UVRAG: variants seen among roughly 807,000 people sequenced by gnomAD.
UVRAG encodes the protein UV radiation resistance-associated gene protein.
In UVRAG, 19 loss-of-function variants were observed where a neutral mutation model predicts 78.0. The observed-to-expected ratio is 0.24, with a 90% CI of 0.17 to 0.36. The LOEUF (loss-of-function observed/expected upper bound fraction) is 0.36. Among genes scored for constraint, UVRAG ranks in the 10% least tolerant of loss-of-function variants. The pLI is 1.00. For synonymous variants in UVRAG, 323 were observed against 324.6 expected (o/e 1.00, Z 0.05); for missense variants, 740 against 853.8 (o/e 0.87, Z 1.66).
chr11:76,052,512 C>T (rs751034355), intron 12 of UVRAG, among the ~76,000 whole-genome samples: 8 of 152,182 alleles, frequency 5.3e-5, no homozygotes, highest in Non-Finnish European at 8.8e-5. Context: ...TCATACCAGT[C>T]GGCCTTCATC....
At chr11:76,138,430 A>G (rs754417970) in intron 14 of UVRAG, among the ~76,000 whole-genome samples, 1 of 152,168 alleles carries the variant, frequency 6.6e-6, no homozygotes, top group African/African-American at 2.4e-5. Flanking sequence ...TTCACATTGT[A>G]GTTGGCAAGG....
intron 1 of UVRAG, among the ~76,000 whole-genome samples, chr11:75,831,373 A>G (rs1233985768): frequency 2.6e-5 from 4 of 152,150 alleles, no homozygotes; most frequent in African/African-American, 9.7e-5. Flanking sequence ...CTGTAATCCC[A>G]GCTACTTGGG....
chr11:76,066,830 A>G (rs1951197708), intron 13 of UVRAG, among the ~76,000 whole-genome samples: 1 of 152,160 alleles, frequency 6.6e-6, no homozygotes, highest in South Asian at 2.1e-4. Flanking sequence ...CATCCTTCCA[A>G]CTGGAATATC....
chr11:75,880,136 AAG>A, intron 4 of UVRAG, 96 bp downstream of exon 4: 2 of 1,433,408 alleles, frequency 1.4e-6, no homozygotes, highest in Non-Finnish European at 1.9e-6. Context: ...TCCTATTATA[AAG>A]AGAGACTTTT....
chr11:75,914,771 G>A (rs1369417306), intron 6 of UVRAG, among the ~76,000 whole-genome samples: 5 of 152,068 alleles, frequency 3.3e-5, no homozygotes, highest in African/African-American at 1.2e-4. Context: ...TGGGATTACA[G>A]GCGTGAGCCA....
Position 76,011,285 on chromosome 11 carries a change from G to A in UVRAG, c.1060+2418G>A, listed in dbSNP as rs188708902. Among the ~76,000 whole-genome samples the A allele has an allele frequency of 5.5e-3, 840 of 152,192 alleles. 6 individuals are homozygous for A. Among genetic ancestry groups the A allele is most frequent in the Middle Eastern group, 0.014 (4 of 294 alleles). On this transcript the variant is annotated intron_variant, in intron 11 of 14. Transcript: ENST00000356136. ...CATTCCCATTCCCCATTACCCTTAG[G>A]AATCAGAAATTTTAAGAAGCACATG...
intron 1 of UVRAG, among the ~76,000 whole-genome samples, chr11:75,844,014 C>T (rs1412992876): frequency 6.6e-6 from 1 of 151,052 alleles, no homozygotes; most frequent in Non-Finnish European, 1.5e-5. Context: ...CTTTCGTTAG[C>T]CCTAATTGGA....
chr11:75,831,879 A>G (rs1441707581), intron 1 of UVRAG, among the ~76,000 whole-genome samples: 6 of 152,226 alleles, frequency 3.9e-5, no homozygotes, highest in African/African-American at 1.2e-4. Context: ...GACACTTTCC[A>G]TTAGCCTATA....
intron 6 of UVRAG, among the ~76,000 whole-genome samples, chr11:75,959,439 A>G (rs1030897803): frequency 1.3e-5 from 2 of 152,222 alleles, no homozygotes; most frequent in Non-Finnish European, 2.9e-5. Flanking sequence ...CTTAAACCTC[A>G]TAAACCAATC....
intron 5 of UVRAG, among the ~76,000 whole-genome samples, chr11:75,892,851 A>G (rs1947245490): frequency 6.6e-6 from 1 of 152,202 alleles, no homozygotes; most frequent in Non-Finnish European, 1.5e-5. Context: ...GCACCAAGCA[A>G]GAAGCAAGGA....
chr11:76,132,209 A>G (rs556734423), intron 14 of UVRAG, among the ~76,000 whole-genome samples: 56 of 152,332 alleles, frequency 3.7e-4, no homozygotes, highest in African/African-American at 1.3e-3. Flanking sequence ...CCGTAAACCA[A>G]CTTAAACACC....
intron 13 of UVRAG, among the ~76,000 whole-genome samples, chr11:76,107,907 G>A (rs58586190): frequency 0.024 from 3,719 of 151,900 alleles, 149 homozygotes; most frequent in African/African-American, 0.083. Context: ...GCCTACATAA[G>A]GCAAATCTCT....
chr11:75,843,957 T>TA (rs557175299), intron 1 of UVRAG, among the ~76,000 whole-genome samples: 9,101 of 114,932 alleles, frequency 0.079, 1,023 homozygotes, highest in African/African-American at 0.26. Flanking sequence ...AGACGCCATC[T>TA]AAAAAAAAAA....
chr11:75,947,636 C>A (rs190168745), intron 6 of UVRAG, among the ~76,000 whole-genome samples: 52 of 152,230 alleles, frequency 3.4e-4, no homozygotes, highest in African/African-American at 1.2e-3. Flanking sequence ...TAAGGTGTTA[C>A]TGATGCCAAG....
At chr11:76,126,861 G>A (rs2134489933) in intron 14 of UVRAG, among the ~76,000 whole-genome samples, 2 of 152,282 alleles carry the variant, frequency 1.3e-5, no homozygotes. Flanking sequence ...CAGTTGGACT[G>A]CACACAAATA....
At chr11:75,939,281 G>A (rs1046825899) in intron 6 of UVRAG, among the ~76,000 whole-genome samples, 1 of 152,040 alleles carries the variant, frequency 6.6e-6, no homozygotes, top group African/African-American at 2.4e-5. Flanking sequence ...TGCTACCTCT[G>A]TATCATTTTC....
chr11:75,885,295 A>G (rs1947051450), intron 4 of UVRAG, among the ~76,000 whole-genome samples: 2 of 152,048 alleles, frequency 1.3e-5, no homozygotes, highest in Non-Finnish European at 2.9e-5. Flanking sequence ...CTTGCGTGTT[A>G]TGGAAGAAAT....
chr11:76,071,880 G>A (rs1951317331), intron 13 of UVRAG, among the ~76,000 whole-genome samples: 1 of 152,168 alleles, frequency 6.6e-6, no homozygotes, highest in South Asian at 2.1e-4. Context: ...TTGAGATGGA[G>A]AAAGATCCAG....
intron 13 of UVRAG, among the ~76,000 whole-genome samples, chr11:76,095,542 A>G (rs1021424332): frequency 2.7e-5 from 4 of 150,122 alleles, no homozygotes; most frequent in African/African-American, 7.3e-5. Flanking sequence ...TATGTCTTAT[A>G]TATCATATAT....
Sources: gnomAD v4.1 joint callset for allele counts (sites outside exome capture counted in the v4.1 genomes callset) on GRCh38, gnomAD v4.1.1 for gene constraint, MANE v1.5 for transcripts, NCBI Gene and HGNC (gene_info 2026-07-23, HGNC 2026-07-21) for gene names.